MED1: variants seen among roughly 807,000 people sequenced by gnomAD.
The protein encoded by MED1 is mediator complex subunit 1, also known as mediator of RNA polymerase II transcription subunit 1.
A neutral mutation model predicts 121.3 loss-of-function variants in MED1; 17 were observed. That is an observed-to-expected ratio of 0.14 (90% confidence interval 0.10 to 0.21). MED1 has a LOEUF of 0.21. Ranked by LOEUF, MED1 falls within the 10% of genes least tolerant of loss-of-function variation. The pLI, the probability that MED1 is intolerant of heterozygous loss-of-function variation, is 1.00. For synonymous variants in MED1, 661 were observed against 694.4 expected, an observed-to-expected ratio of 0.95 and a Z score of 0.76; for missense variants, 1,558 against 1,919.4, an observed-to-expected ratio of 0.81 and a Z score of 3.52.
chr17:39,406,469 T>G lies in MED1; in HGVS notation c.*1006A>C. 1 of 985,462 alleles carries G rather than the reference T, an allele frequency of 1.0e-6. No homozygotes were observed. The highest frequency in any genetic ancestry group is 1.2e-6 in the Non-Finnish European group (1 of 829,916). 61.0% of individuals were successfully genotyped at this position (985,462 alleles called of 1,614,324 possible). On this transcript the variant is annotated 3_prime_UTR_variant, in exon 17 of 17. Transcript: ENST00000300651. ...AGTAGGAGAACTATTAATCCTGTAA[T>G]GGTTTTCATGCCACTGGGTCAGGAA...
At chr17:39,432,159 A>T in intron 7 of MED1, 143 bp from the exon 8 acceptor site, 1 of 530,178 alleles carries the variant, frequency 1.9e-6, no homozygotes, top group Non-Finnish European at 3.4e-6. Context: ...CCTGGCCAAC[A>T]TGGCAAAACC....
chr17:39,439,476 C>T (rs926527076), intron 5 of MED1, among the ~76,000 whole-genome samples: 3 of 152,190 alleles, frequency 2.0e-5, no homozygotes, highest in African/African-American at 7.2e-5. Flanking sequence ...ACATGGAATT[C>T]ATATCAAATT....
At chr17:39,449,514 CTT>C (rs111864908) in intron 1 of MED1, among the ~76,000 whole-genome samples, 62 of 122,862 alleles carry the variant, frequency 5.0e-4, no homozygotes, top group Non-Finnish European at 8.3e-4. Flanking sequence ...AATTTTTTTT[CTT>C]TTTTTTTTTT....
At chr17:39,433,579 C>T (rs1432303173) in intron 7 of MED1, among the ~76,000 whole-genome samples, 3 of 149,052 alleles carry the variant, frequency 2.0e-5, no homozygotes, top group Non-Finnish European at 4.4e-5. Flanking sequence ...TTTGAGACAG[C>T]ATCTCGCTCT....
At chr17:39,422,833 C>A (rs994081909) in intron 13 of MED1, among the ~76,000 whole-genome samples, 3 of 150,130 alleles carry the variant, frequency 2.0e-5, no homozygotes, top group African/African-American at 7.3e-5. Flanking sequence ...GAAGCTCATG[C>A]CCTTTTACTT....
At chr17:39,438,337 A>ATTT (rs1185343270) in intron 6 of MED1, among the ~76,000 whole-genome samples, 7 of 58,938 alleles carry the variant, frequency 1.2e-4, no homozygotes, top group Non-Finnish European at 1.7e-4. Flanking sequence ...TGCCTGGCTA[A>ATTT]TTTTTTTTTT....
At chr17:39,417,483 G>A (rs2048421370) in intron 14 of MED1, among the ~76,000 whole-genome samples, 1 of 151,778 alleles carries the variant, frequency 6.6e-6, no homozygotes, top group African/African-American at 2.4e-5. Flanking sequence ...AAAAAAATTA[G>A]CCGGGCGTGA....
At chr17:39,439,414 A>G (rs531867360) in intron 5 of MED1, among the ~76,000 whole-genome samples, 4 of 152,366 alleles carry the variant, frequency 2.6e-5, no homozygotes, top group South Asian at 2.1e-4. Flanking sequence ...ATAGTTTTTA[A>G]AAGAATCTAC....
rs900148386 is a variant in MED1 at position 39,409,453 on chromosome 17, T to C, written c.2768A>G (p.Asn923Ser). ...GDNGETKFKG[N>S]NQADTVDFSI... ...GAAATCAACTGTGTCGGCTTGGTTA[T>C]TGCCCTTAAACTTGGTCTCCCCATT... is the stretch of plus-strand genomic sequence containing the variant. The change falls in exon 17 of 17, where the codon AAT (asparagine) becomes AGT (serine). Residue 923 changes from asparagine (N) to serine (S), a missense_variant. By Grantham distance (46) the Asn-to-Ser change is conservative. Around this residue, in one of 5 missense-constraint regions of MED1, gnomAD observed 793 missense variants for 898.2 expected, o/e 0.88. Transcript: ENST00000300651. 6.2e-6 allele frequency: 10 copies of C among 1,614,048 alleles called. No homozygotes were observed. The highest frequency in any genetic ancestry group is 2.7e-5 in the African/African-American group (2 of 74,902).
intron 3 of MED1, among the ~76,000 whole-genome samples, chr17:39,443,150 C>T (rs1278620912): frequency 1.3e-5 from 2 of 150,912 alleles, no homozygotes; most frequent in Admixed American, 1.3e-4. Flanking sequence ...TATAGGTGCC[C>T]GCCACCACGT....
chr17:39,441,420 A>C (rs2048673682), intron 3 of MED1, among the ~76,000 whole-genome samples: 1 of 152,202 alleles, frequency 6.6e-6, no homozygotes, highest in Non-Finnish European at 1.5e-5. Context: ...CTACTGAACT[A>C]TACACTTAGA....
rs754009057 is a variant in MED1 at position 39,407,744 on chromosome 17, T to C, written c.4477A>G (p.Ser1493Gly). The C allele has an allele frequency of 1.2e-6, 2 of 1,614,190 alleles. No homozygotes were observed. The highest frequency in any genetic ancestry group is 2.2e-5 in the East Asian group (1 of 44,894). ...DDGIRPLPEY[S>G]TEKHKKHKKE... ...TTGTGCTTCTTATGTTTCTCTGTGC[T>C]GTATTCTGGAAGTGGTCGGATACCA... Residue 1493 changes from serine to glycine, a missense_variant, in exon 17 of 17, where the codon AGC (serine) becomes GGC (glycine). Physicochemically the swap from Ser to Gly is moderately conservative, Grantham distance 56. This residue lies in a region of MED1 where 264 missense variants were observed against 326.1 expected (regional missense o/e 0.81). Transcript: ENST00000300651.
At chr17:39,417,542 T>C (rs2048421866) in intron 14 of MED1, among the ~76,000 whole-genome samples, 1 of 151,744 alleles carries the variant, frequency 6.6e-6, no homozygotes, top group Non-Finnish European at 1.5e-5. Context: ...GGCAGGAGAA[T>C]GACGTGAACT....
At chr17:39,427,608 G>A (rs2048526682) in intron 10 of MED1, 93 bp downstream of exon 10, 1 of 868,420 alleles carries the variant, frequency 1.2e-6, no homozygotes, top group Non-Finnish European at 1.8e-6. Context: ...AAATGGTAAG[G>A]TCAACAAACT....
intron 2 of MED1, 68 bp downstream of exon 2, chr17:39,447,730 G>C (rs1276531444): frequency 2.6e-6 from 3 of 1,144,000 alleles, no homozygotes; most frequent in Non-Finnish European, 2.6e-6. Context: ...ACATCTACAT[G>C]GGGAGCTTAG....
In MED1 at chr17:39,415,151, G is replaced by C. The variant is rs1318897912; in HGVS notation, c.1394-20C>G. The C allele has an allele frequency of 6.2e-7, 1 of 1,612,122 alleles. No individual in the cohort carries two copies. The highest frequency in any genetic ancestry group is 2.2e-5 in the East Asian group (1 of 44,850). Reference sequence around the variant, plus strand: ...TTACCACTGAAAGACAAAATACATAGGAAATTGTTTTAGATTTAGCTTCTG... The same window carrying C: ...TTACCACTGAAAGACAAAATACATACGAAATTGTTTTAGATTTAGCTTCTG... On this transcript the variant is annotated intron_variant, in intron 15 of 16. Transcript: ENST00000300651.
In MED1 at chr17:39,405,015, TA is replaced by T; in HGVS notation, c.*2459del. On this transcript the variant is annotated 3_prime_UTR_variant, in exon 17 of 17. Transcript: ENST00000300651. ...GGAATCAGGTCAAACTGAGAATACA[TA>T]AGACACCAGCAGCAGAAGATAGGTA... The T allele has an allele frequency of 1.9e-6, 1 of 537,264 alleles. No homozygotes were observed. Among genetic ancestry groups the T allele is most frequent in the Non-Finnish European group, 3.2e-6 (1 of 316,128 alleles). 33.3% of individuals were successfully genotyped at this position (537,264 alleles called of 1,614,324 possible).
At position 39,407,352 on chromosome 17, in the gene MED1, C is replaced by A. The variant is rs1256453031; in HGVS notation, c.*123G>T. The A allele has an allele frequency of 1.4e-6, 2 of 1,430,666 alleles. No individual in the cohort carries two copies. The highest frequency in any genetic ancestry group is 2.9e-5 in the Admixed American group (1 of 34,130). 88.6% of individuals were successfully genotyped at this position (1,430,666 alleles called of 1,614,324 possible). A position where few individuals can be genotyped will look rare whatever the true frequency, so the allele number is the denominator to read the frequency against. On this transcript the variant is annotated 3_prime_UTR_variant, in exon 17 of 17. Transcript: ENST00000300651. ...TAATTCACCCAGCTTGATGTCAAAG[C>A]CATGCCATTTAGGATTCTTAACCAA...
rs1242634521 is a variant in MED1, at chr17:39,409,865, TGTCTGAAAG to T, written c.2347_2355del (p.Leu783_Asp785del). ...GGAAGTTTAGAAGCTTCTTCTGCAA[TGTCTGAAAG>T]GATGTCAGTTACATCTGGGCCAATG... On this transcript the variant is annotated inframe_deletion, in exon 17 of 17. Coordinates refer to ENST00000300651, the MANE Select transcript of MED1 (RefSeq NM_004774.4). 1 of 1,614,182 alleles carries T rather than the reference TGTCTGAAAG, an allele frequency of 6.2e-7. No homozygotes were observed. The highest frequency in any genetic ancestry group is 8.5e-7 in the Non-Finnish European group (1 of 1,180,034).
Sources: allele counts gnomAD v4.1 joint callset (sites outside exome capture counted in the v4.1 genomes callset), GRCh38; gene constraint gnomAD v4.1.1; regional missense constraint gnomAD v4.1.1; transcripts MANE v1.5; gene names NCBI Gene and HGNC (gene_info 2026-07-23, HGNC 2026-07-21).